The following MAMDC2 variants were observed in gnomAD, a reference collection of about 807,000 sequenced individuals.
The protein encoded by MAMDC2 is MAM domain containing 2.
MAMDC2 carries 57 observed loss-of-function variants against 89.8 expected under a neutral mutation model. The ratio of observed to expected loss-of-function variants is 0.63; its 90% CI spans 0.51 to 0.79. The LOEUF is 0.79. Ranked by LOEUF, MAMDC2 falls within the 30% of genes least tolerant of loss-of-function variation. The pLI is 0.00. For synonymous variants in MAMDC2, 313 were observed against 293.4 expected, an observed-to-expected ratio of 1.07 and a Z score of -0.68; for missense variants, 800 against 820.6, an observed-to-expected ratio of 0.97 and a Z score of 0.31.
At chr9:70,190,279 T>C (rs2032850918) in intron 11 of MAMDC2, among the ~76,000 whole-genome samples, 3 of 152,206 alleles carry the variant, frequency 2.0e-5, no homozygotes, top group Admixed American at 6.5e-5. Flanking sequence ...ATTGTTGCTG[T>C]ATGTTTGCTT....
rs546463047 is a variant in MAMDC2 at position 70,168,722 on chromosome 9, C to T, written c.1425C>T (p.Cys475=). 11 of 1,613,858 alleles carry T rather than the reference C, an allele frequency of 6.8e-6. No homozygotes were observed. Among genetic ancestry groups the T allele is most frequent in the South Asian group, 6.6e-5 (6 of 91,062 alleles). Residue 475 remains cysteine, a synonymous_variant, in exon 10 of 14, where the codon TGC becomes TGT. Coordinates refer to ENST00000377182, the MANE Select transcript of MAMDC2 (RefSeq NM_153267.5). ...TTCAGGTGGTTTTCATGAGCCTATG[C>T]AAAAGTTTCTGGGACTGTGGGCTTG... is the stretch of plus-strand genomic sequence containing the variant. The part of the protein sequence containing the change: ...MPTKVVFMSL[C]KSFWDCGLVA...
chr9:70,114,872 A>T (rs904648598), intron 5 of MAMDC2, among the ~76,000 whole-genome samples: 2 of 152,184 alleles, frequency 1.3e-5, no homozygotes, highest in African/African-American at 4.8e-5. Context: ...GAATTCAGAG[A>T]CAAAAGAGGT....
intron 8 of MAMDC2, 43 bp downstream of exon 8, chr9:70,140,331 G>T: frequency 6.5e-7 from 1 of 1,534,512 alleles, no homozygotes; most frequent in Non-Finnish European, 8.7e-7. Flanking sequence ...TTGGGTAGTC[G>T]TGAGCTTTAT....
Position 70,108,382 on chromosome 9 carries a change from A to T in MAMDC2, c.320A>T (p.Glu107Val). 1 of 1,614,110 alleles carries T rather than the reference A, an allele frequency of 6.2e-7. No individual in the cohort carries two copies. The highest frequency in any genetic ancestry group is 8.5e-7 in the Non-Finnish European group (1 of 1,179,984). ...CAGCTGAACCTCTACATGAGATTTGAAGATGAAAGCTTTGATCGCTTGCTT... is the reference window on the plus strand; with the variant it reads ...CAGCTGAACCTCTACATGAGATTTGTAGATGAAAGCTTTGATCGCTTGCTT... ...PSQLNLYMRF[E>V]DESFDRLLWS... Residue 107 changes from glutamate to valine, a missense_variant, in exon 3 of 14, where the codon GAA becomes GTA. By Grantham distance (121) the Glu-to-Val change is moderately radical (BLOSUM62 -2). Coordinates refer to ENST00000377182, the MANE Select transcript of MAMDC2 (RefSeq NM_153267.5).
intron 12 of MAMDC2, among the ~76,000 whole-genome samples, chr9:70,222,172 G>C (rs1027893772): frequency 1.3e-5 from 2 of 152,160 alleles, no homozygotes; most frequent in African/African-American, 4.8e-5. Context: ...TGACTCCAAA[G>C]CTTTTGGCAT....
chr9:70,126,514 AGTCT>A (rs1323502860), intron 6 of MAMDC2, 99 bp downstream of exon 6: 2 of 1,271,596 alleles, frequency 1.6e-6, no homozygotes, highest in African/African-American at 2.9e-5. Context: ...CCTCACACTC[AGTCT>A]GTCTTTTCTG....
chr9:70,168,753 C>A lies in MAMDC2; in HGVS notation c.1456C>A (p.Leu486Met). 1.2e-6 allele frequency: 2 copies of A among 1,614,080 alleles called. No individual in the cohort carries two copies. Among genetic ancestry groups the A allele is most frequent in the Non-Finnish European group, 1.7e-6 (2 of 1,179,990 alleles). Residue 486 changes from leucine (L) to methionine (M), a missense_variant, in exon 10 of 14, where the codon CTG becomes ATG. Coordinates refer to ENST00000377182, the MANE Select transcript of MAMDC2 (RefSeq NM_153267.5). The stretch of plus-strand genomic sequence containing the variant: ...TTTCTGGGACTGTGGGCTTGTAGCC[C>A]TGGATGACATTACAATACAATTGGG... ...KSFWDCGLVALDDITIQLGSC... is the reference protein window; with the variant it reads ...KSFWDCGLVAMDDITIQLGSC...
chr9:70,119,347 T>A (rs1283057152), intron 5 of MAMDC2, among the ~76,000 whole-genome samples: 1 of 152,216 alleles, frequency 6.6e-6, no homozygotes, highest in Admixed American at 6.5e-5. Context: ...TCAAACATCA[T>A]GAGATGGTTG....
chr9:70,056,311 C>A (rs1827023947), intron 2 of MAMDC2, among the ~76,000 whole-genome samples: 1 of 152,142 alleles, frequency 6.6e-6, no homozygotes, highest in Admixed American at 6.5e-5. Context: ...TGTTTTGATC[C>A]TATATTAGCC....
At chr9:70,068,099 A>G (rs1827310097) in intron 2 of MAMDC2, among the ~76,000 whole-genome samples, 2 of 152,246 alleles carry the variant, frequency 1.3e-5, no homozygotes, top group African/African-American at 4.8e-5. Flanking sequence ...GAGCTGGTAT[A>G]GGACTTATAA....
intron 6 of MAMDC2, 116 bp downstream of exon 6, chr9:70,126,531 G>C (rs1232394024): frequency 1.8e-6 from 2 of 1,088,088 alleles, no homozygotes; most frequent in Non-Finnish European, 2.6e-6. Context: ...CTTTTCTGCT[G>C]TGCCTCAACT....
intron 7 of MAMDC2, among the ~76,000 whole-genome samples, chr9:70,135,077 G>A (rs1055114387): frequency 2.3e-4 from 35 of 152,154 alleles, no homozygotes; most frequent in Non-Finnish European, 4.1e-4. Flanking sequence ...ACACACTCCC[G>A]CTAATTAGAT....
At chr9:70,086,595 A>G (rs575218628) in intron 2 of MAMDC2, 2 of 152,268 alleles carry the variant, frequency 1.3e-5, no homozygotes, top group East Asian at 1.9e-4. Flanking sequence ...TCTGTGATCA[A>G]TGACCCACAT....
chr9:70,086,462 A>G (rs1827773074), intron 2 of MAMDC2: 1 of 152,076 alleles, frequency 6.6e-6, no homozygotes, highest in Non-Finnish European at 1.5e-5. Flanking sequence ...CAAGCACACC[A>G]CCCTCTGTGT....
At chr9:70,126,886 G>A (rs936325217) in intron 6 of MAMDC2, among the ~76,000 whole-genome samples, 11 of 149,866 alleles carry the variant, frequency 7.3e-5, no homozygotes, top group African/African-American at 2.2e-4. Context: ...AAATAATGTC[G>A]TAAAATCAGA....
chr9:70,132,377 T>C (rs2030843133), intron 7 of MAMDC2, among the ~76,000 whole-genome samples: 1 of 152,206 alleles, frequency 6.6e-6, no homozygotes, highest in South Asian at 2.1e-4. Flanking sequence ...GGAGACATTA[T>C]GGTCACCCCG....
At chr9:70,104,115 A>G (rs1828272330) in intron 2 of MAMDC2, among the ~76,000 whole-genome samples, 2 of 152,238 alleles carry the variant, frequency 1.3e-5, no homozygotes, top group Admixed American at 1.3e-4. Context: ...AGACAACCCA[A>G]TTTTTAAAAT....
rs985750538 is a variant in MAMDC2 at position 70,226,675 on chromosome 9, C to A, written c.*643C>A. The A allele has an allele frequency of 6.6e-6, 1 of 152,344 alleles. No homozygotes were observed. The highest frequency in any genetic ancestry group is 2.4e-5 in the African/African-American group (1 of 41,406). The allele number at this position is 152,344 out of a possible 1,614,324, so 9.4% of individuals were successfully genotyped here. On this transcript the variant is annotated 3_prime_UTR_variant, in exon 14 of 14. Coordinates refer to ENST00000377182, the MANE Select transcript of MAMDC2 (RefSeq NM_153267.5). ...ACAAGGCAATGCTACCTTCTTTATT[C>A]CCCCTTTGAACTACCTTTGAAGTCA...
intron 2 of MAMDC2, among the ~76,000 whole-genome samples, chr9:70,061,212 C>A (rs1022066550): frequency 1.3e-5 from 2 of 152,174 alleles, no homozygotes; most frequent in African/African-American, 4.8e-5. Flanking sequence ...AATTTTTGCA[C>A]ACTTTACCTT....
Sources: gnomAD v4.1 joint callset for allele counts (sites outside exome capture counted in the v4.1 genomes callset) on GRCh38, gnomAD v4.1.1 for gene constraint, MANE v1.5 for transcripts, NCBI Gene and HGNC (gene_info 2026-07-23, HGNC 2026-07-21) for gene names.